The following ENPP2 variants were observed in gnomAD, a reference collection of about 807,000 sequenced individuals.
ENPP2 encodes the protein ectonucleotide pyrophosphatase/phosphodiesterase 2.
ENPP2 carries 51 observed loss-of-function variants against 120.2 expected under a neutral mutation model. That is an observed-to-expected ratio of 0.42 (90% CI 0.34 to 0.54). ENPP2 has a LOEUF of 0.54. ENPP2 is among the 20% of genes least tolerant of loss of function. ENPP2 has a pLI of 0.04. For synonymous variants in ENPP2, 365 were observed against 366.4 expected (o/e 1.00, Z 0.04); for missense variants, 920 against 1,066.5 (o/e 0.86, Z 1.91).
At chr8:119,657,569 C>T (rs566106379) in intron 1 of ENPP2, among the ~76,000 whole-genome samples, 2 of 151,720 alleles carry the variant, frequency 1.3e-5, no homozygotes, top group Non-Finnish European at 2.9e-5. Flanking sequence ...ATGTAATTAG[C>T]GATGCGGTCA....
At position 119,607,971 on chromosome 8, in the gene ENPP2, T is replaced by C. The variant is rs745860533; in HGVS notation, c.784A>G (p.Ile262Val). 9.3e-6 allele frequency: 15 copies of C among 1,608,762 alleles called. No individual in the cohort carries two copies. In the South Asian group the frequency reaches 1.6e-4, roughly 17 times the overall value. The change falls in exon 9 of 25, where the codon ATT becomes GTT. Residue 262 changes from isoleucine (I) to valine (V), a missense_variant. Coordinates refer to ENST00000075322, the MANE Select transcript of ENPP2 (RefSeq NM_001040092.3). ...TTCACCCCTTGCTTGGTGGCTGTAA[T>C]CCATAGCTAATGAGGAAAATATAAG... ...HRWWGGQPLWITATKQGVKAG... is the reference protein window; with the variant it reads ...HRWWGGQPLWVTATKQGVKAG...
chr8:119,571,825 A>G (rs1481142257), intron 19 of ENPP2: 1 of 170,646 alleles, frequency 5.9e-6, no homozygotes, highest in Non-Finnish European at 1.3e-5. Flanking sequence ...TAAATAATGT[A>G]TACATGTTGC....
At chr8:119,672,892 C>T (rs967833109) in intron 1 of ENPP2, among the ~76,000 whole-genome samples, 1 of 152,188 alleles carries the variant, frequency 6.6e-6, no homozygotes, top group Non-Finnish European at 1.5e-5. Flanking sequence ...CCCGTCTCGC[C>T]GCCCAGGAGG....
chr8:119,612,539 T>C (rs1815182051), intron 8 of ENPP2, among the ~76,000 whole-genome samples: 1 of 152,156 alleles, frequency 6.6e-6, no homozygotes, highest in Non-Finnish European at 1.5e-5. Flanking sequence ...TCCAACTCAT[T>C]GTACCACCAA....
chr8:119,569,029 C>A (rs1721248482), intron 21 of ENPP2, among the ~76,000 whole-genome samples: 1 of 152,160 alleles, frequency 6.6e-6, no homozygotes. Context: ...GATTCCCTTG[C>A]ACATTAGAAT....
chr8:119,591,996 GT>G (rs1813539656), intron 12 of ENPP2, among the ~76,000 whole-genome samples: 1 of 152,136 alleles, frequency 6.6e-6, no homozygotes. Flanking sequence ...ACTATGCTAA[GT>G]GCTCCTCAAG....
chr8:119,639,671 TA>T (rs1817208476), upstream of ENPP2, among the ~76,000 whole-genome samples: 3 of 152,240 alleles, frequency 2.0e-5, no homozygotes, highest in Admixed American at 6.5e-5. Context: ...TGGGAAGCTT[TA>T]TTAGCAATTG....
At chr8:119,565,717 T>A (rs1814361998) in intron 22 of ENPP2, among the ~76,000 whole-genome samples, 1 of 151,922 alleles carries the variant, frequency 6.6e-6, no homozygotes, top group Non-Finnish European at 1.5e-5. Context: ...TGGTCTAACT[T>A]ACCATCCTCT....
At chr8:119,598,959 C>T (rs931559046) in intron 11 of ENPP2, among the ~76,000 whole-genome samples, 2 of 152,120 alleles carry the variant, frequency 1.3e-5, no homozygotes, top group African/African-American at 4.8e-5. Context: ...GATGCTATTA[C>T]CCAAGAAGTC....
chr8:119,572,537 T>C (rs935347996), intron 19 of ENPP2: 9 of 351,480 alleles, frequency 2.6e-5, no homozygotes, highest in Non-Finnish European at 4.2e-5. Context: ...CCACAAAGGC[T>C]AATGTATTTG....
At chr8:119,619,993 G>A (rs907668097) in intron 4 of ENPP2, among the ~76,000 whole-genome samples, 1 of 152,224 alleles carries the variant, frequency 6.6e-6, no homozygotes, top group Non-Finnish European at 1.5e-5. Flanking sequence ...TACATATCCT[G>A]AACAGAAGTA....
chr8:119,563,477 T>G (rs185927329), intron 23 of ENPP2, among the ~76,000 whole-genome samples: 1 of 152,268 alleles, frequency 6.6e-6, no homozygotes, highest in Non-Finnish European at 1.5e-5. Flanking sequence ...CCTAGAGTTG[T>G]ATAAAATGGA....
chr8:119,564,225 A>G (rs1045658389), intron 23 of ENPP2, among the ~76,000 whole-genome samples: 3 of 152,130 alleles, frequency 2.0e-5, no homozygotes, highest in African/African-American at 7.2e-5. Context: ...AATGAAGATA[A>G]GTGGGAATGG....
intron 1 of ENPP2, among the ~76,000 whole-genome samples, chr8:119,656,326 A>G (rs1459015338): frequency 1.3e-5 from 2 of 152,154 alleles, no homozygotes; most frequent in Non-Finnish European, 2.9e-5. Flanking sequence ...AACACAATTG[A>G]TGACATGCCA....
chr8:119,651,994 G>A (rs1817640127), intron 1 of ENPP2, among the ~76,000 whole-genome samples: 1 of 152,166 alleles, frequency 6.6e-6, no homozygotes, highest in South Asian at 2.1e-4. Flanking sequence ...TTTTAATTGG[G>A]AGATGGTAAA....
At chr8:119,587,955 C>T (rs1275551057) in intron 13 of ENPP2, among the ~76,000 whole-genome samples, 2 of 152,184 alleles carry the variant, frequency 1.3e-5, no homozygotes, top group African/African-American at 2.4e-5. Flanking sequence ...ATCTGTATCA[C>T]GTGCTGCTGC....
intron 9 of ENPP2, among the ~76,000 whole-genome samples, chr8:119,605,297 C>T (rs1814626458): frequency 6.6e-6 from 1 of 152,014 alleles, no homozygotes; most frequent in African/African-American, 2.4e-5. Context: ...GTCTCAAACT[C>T]CTGTGCTCAA....
intron 11 of ENPP2, chr8:119,595,893 T>C: frequency 6.2e-7 from 1 of 1,614,096 alleles, no homozygotes; most frequent in Non-Finnish European, 8.5e-7. Flanking sequence ...CCTATGTATT[T>C]TTCTTCTTCT....
intron 9 of ENPP2, among the ~76,000 whole-genome samples, chr8:119,607,607 A>G (rs1183882675): frequency 6.6e-6 from 1 of 151,734 alleles, no homozygotes; most frequent in Non-Finnish European, 1.5e-5. Context: ...CCCGGGAGGC[A>G]GAGGTTGCAG....
Sources: allele counts gnomAD v4.1 joint callset (sites outside exome capture counted in the v4.1 genomes callset), GRCh38; gene constraint gnomAD v4.1.1; transcripts MANE v1.5; gene names NCBI Gene and HGNC (gene_info 2026-07-23, HGNC 2026-07-21).